The following LSAMP variants were observed in gnomAD, a reference collection of about 807,000 sequenced individuals.
LSAMP encodes the protein limbic system-associated membrane protein.
A neutral mutation model predicts 38.6 loss-of-function variants in LSAMP; 7 were observed. That is an observed-to-expected ratio of 0.18 (90% CI 0.10 to 0.34). The LOEUF (loss-of-function observed/expected upper bound fraction) is 0.34, where lower values mean the gene tolerates loss of function less well. LSAMP is among the 10% of genes least tolerant of loss of function. LSAMP has a pLI of 1.00. For synonymous variants in LSAMP, 154 were observed against 166.8 expected (o/e 0.92, Z 0.59); for missense variants, 313 against 420.0 (o/e 0.75, Z 2.23).
intron 3 of LSAMP, among the ~76,000 whole-genome samples, chr3:115,961,821 GACA>G (rs1481533485): frequency 2.0e-5 from 3 of 152,114 alleles, no homozygotes; most frequent in South Asian, 2.1e-4. Context: ...AAATAACGCT[GACA>G]ACAATAATCA....
At chr3:115,834,004 A>G (rs1237653127) in intron 6 of LSAMP, among the ~76,000 whole-genome samples, 1 of 152,028 alleles carries the variant, frequency 6.6e-6, no homozygotes, top group African/African-American at 2.4e-5. Flanking sequence ...TTGTTTTTTC[A>G]TTTATGTTTT....
chr3:116,366,014 A>AAAAT (rs1553727867), intron 1 of LSAMP, among the ~76,000 whole-genome samples: 1 of 20,752 alleles, frequency 4.8e-5, no homozygotes, highest in Non-Finnish European at 9.3e-5. Flanking sequence ...AGAGTATAAT[A>AAAAT]AAAAAAAAAA....
At chr3:116,303,698 C>A (rs753834085) in intron 1 of LSAMP, among the ~76,000 whole-genome samples, 2 of 152,102 alleles carry the variant, frequency 1.3e-5, no homozygotes, top group African/African-American at 4.8e-5. Context: ...AGAGGTTAAT[C>A]AAAAATGTTA....
chr3:116,139,628 C>T (rs1460372112), intron 1 of LSAMP, among the ~76,000 whole-genome samples: 3 of 151,944 alleles, frequency 2.0e-5, no homozygotes, highest in Admixed American at 6.6e-5. Flanking sequence ...GTTGTATTGC[C>T]TAAGTCTTTC....
chr3:116,403,390 G>T (rs866950109), intron 1 of LSAMP, among the ~76,000 whole-genome samples: 3 of 151,832 alleles, frequency 2.0e-5, no homozygotes, highest in African/African-American at 2.4e-5. Flanking sequence ...TCATCTTAAG[G>T]GTTTGCTTTT....
At chr3:116,013,388 T>A (rs1940387333) in intron 3 of LSAMP, among the ~76,000 whole-genome samples, 1 of 152,222 alleles carries the variant, frequency 6.6e-6, no homozygotes, top group South Asian at 2.1e-4. Flanking sequence ...ATAATAAAGT[T>A]ACTAAAAAAG....
rs547606287 is a variant in LSAMP at position 115,823,379 on chromosome 3, C to G, written c.920-12965G>C. Among the ~76,000 whole-genome samples, 11 of 152,312 alleles carry G rather than the reference C, an allele frequency of 7.2e-5. No individual in the cohort carries two copies. The East Asian group carries it at 1.2e-3, about 16-fold the overall frequency. On this transcript the variant is annotated intron_variant, in intron 6 of 6. Coordinates refer to ENST00000490035, the MANE Select transcript of LSAMP (RefSeq NM_002338.5). The stretch of plus-strand genomic sequence containing the variant: ...ACCTTGAACGAATAACAGAAACATG[C>G]CCAGCTTCTGAGAGCATGGAAAAAT...
intron 6 of LSAMP, chr3:115,816,743 C>A: frequency 2.6e-5 from 15 of 571,144 alleles, no homozygotes; most frequent in Non-Finnish European, 3.6e-5. Flanking sequence ...CACTGAAAGG[C>A]GAATAAGAGA....
At chr3:116,090,288 C>T (rs1253025319) in intron 1 of LSAMP, among the ~76,000 whole-genome samples, 3 of 151,744 alleles carry the variant, frequency 2.0e-5, no homozygotes, top group African/African-American at 4.8e-5. Context: ...TAGAGGTCTA[C>T]GTTTATTAAG....
intron 2 of LSAMP, among the ~76,000 whole-genome samples, chr3:116,023,385 G>A (rs1253651215): frequency 6.6e-6 from 1 of 151,428 alleles, no homozygotes; most frequent in African/African-American, 2.4e-5. Flanking sequence ...ACAAGGTCAG[G>A]AGATCGAGAC....
intron 1 of LSAMP, among the ~76,000 whole-genome samples, chr3:116,207,418 T>C (rs1306152073): frequency 1.1e-4 from 17 of 151,590 alleles, no homozygotes; most frequent in African/African-American, 3.9e-4. Flanking sequence ...AAAGTTAATA[T>C]GGTTATGTGT....
chr3:116,225,002 C>T (rs1035063358), intron 1 of LSAMP, among the ~76,000 whole-genome samples: 5 of 152,040 alleles, frequency 3.3e-5, no homozygotes, highest in Non-Finnish European at 7.4e-5. Flanking sequence ...CTGATTTTGT[C>T]TCATAAAATA....
chr3:116,309,880 T>C (rs1559823127), intron 1 of LSAMP, among the ~76,000 whole-genome samples: 1 of 152,132 alleles, frequency 6.6e-6, no homozygotes, highest in Non-Finnish European at 1.5e-5. Context: ...AGACTTTCCT[T>C]TGATATTGTT....
intron 1 of LSAMP, among the ~76,000 whole-genome samples, chr3:116,109,611 G>A (rs13082276): frequency 6.6e-5 from 10 of 152,110 alleles, no homozygotes; most frequent in African/African-American, 1.4e-4. Flanking sequence ...TGAAAGTGCC[G>A]TTTTCTGGCT....
chr3:115,977,464 T>C (rs1249881673), intron 3 of LSAMP, among the ~76,000 whole-genome samples: 1 of 152,216 alleles, frequency 6.6e-6, no homozygotes, highest in African/African-American at 2.4e-5. Flanking sequence ...CACTCTAATT[T>C]ACCATAGGTT....
At chr3:116,138,411 A>C (rs1363013385) in intron 1 of LSAMP, among the ~76,000 whole-genome samples, 1 of 152,120 alleles carries the variant, frequency 6.6e-6, no homozygotes, top group African/African-American at 2.4e-5. Flanking sequence ...TATTAGGGAA[A>C]TAGTAGAAAT....
At chr3:116,381,271 T>C (rs1345004898) in intron 1 of LSAMP, among the ~76,000 whole-genome samples, 2 of 152,086 alleles carry the variant, frequency 1.3e-5, no homozygotes, top group Non-Finnish European at 2.9e-5. Flanking sequence ...AATGAAAAAG[T>C]TATTAACTAC....
At chr3:115,859,283 A>C (rs1356330405) in intron 3 of LSAMP, among the ~76,000 whole-genome samples, 1 of 152,176 alleles carries the variant, frequency 6.6e-6, no homozygotes, top group Non-Finnish European at 1.5e-5. Context: ...GGGTAGATGC[A>C]GTCGTCAAAA....
intron 3 of LSAMP, among the ~76,000 whole-genome samples, chr3:116,015,529 G>A (rs1940453880): frequency 6.6e-6 from 1 of 152,118 alleles, no homozygotes; most frequent in African/African-American, 2.4e-5. Flanking sequence ...AACTACATGT[G>A]TGACACATCA....
Sources: gnomAD v4.1 joint callset for allele counts (sites outside exome capture counted in the v4.1 genomes callset) on GRCh38, gnomAD v4.1.1 for gene constraint, MANE v1.5 for transcripts, NCBI Gene and HGNC (gene_info 2026-07-23, HGNC 2026-07-21) for gene names.